PAQR5: variants seen among roughly 807,000 people sequenced by gnomAD.
The protein encoded by PAQR5 is membrane progestin receptor gamma.
PAQR5 carries 20 observed loss-of-function variants against 34.5 expected under a neutral mutation model. That is an observed-to-expected ratio of 0.58 (90% CI 0.41 to 0.84). The LOEUF (loss-of-function observed/expected upper bound fraction) is 0.84, where lower values mean the gene tolerates loss of function less well. PAQR5 is among the 40% of genes least tolerant of loss of function. PAQR5 has a pLI of 0.00. For synonymous variants in PAQR5, 131 were observed against 155.6 expected, an observed-to-expected ratio of 0.84 and a Z score of 1.18; for missense variants, 378 against 412.7, an observed-to-expected ratio of 0.92 and a Z score of 0.73.
chr15:69,390,348 A>ATTTTTTTTTTT (rs67519047), intron 6 of PAQR5, among the ~76,000 whole-genome samples: 2 of 124,828 alleles, frequency 1.6e-5, no homozygotes, highest in Non-Finnish European at 1.8e-5. Context: ...TTATTTATTT[A>ATTTTTTTTTTT]TTTATTTATT....
intron 6 of PAQR5, among the ~76,000 whole-genome samples, chr15:69,390,356 A>AT (rs144601337): frequency 0.011 from 1,522 of 132,678 alleles, 46 homozygotes; most frequent in Middle Eastern, 0.032. Flanking sequence ...TTATTTATTT[A>AT]TTTATTTTTT....
rs1248306932 is a variant in PAQR5 at position 69,404,752 on chromosome 15, G to C, written c.*930G>C. 5.1e-6 allele frequency: 2 copies of C among 394,198 alleles called. No homozygotes were observed. The highest frequency in any genetic ancestry group is 7.2e-5 in the East Asian group (2 of 27,812). 24.4% of individuals were successfully genotyped at this position (394,198 alleles called of 1,614,324 possible). ...ATATGCATAAGAAGTTAATCACCTT[G>C]CCAGTGGGGTGGTCACATATAGTGT... On this transcript the variant is annotated 3_prime_UTR_variant, in exon 9 of 9. Coordinates refer to ENST00000395407, the MANE Select transcript of PAQR5 (RefSeq NM_017705.4).
At chr15:69,304,693 C>A (rs2053676796) in intron 1 of PAQR5, among the ~76,000 whole-genome samples, 1 of 152,116 alleles carries the variant, frequency 6.6e-6, no homozygotes. Flanking sequence ...TGAGTTTTGC[C>A]CAAGCCTCAG....
At chr15:69,320,041 C>T (rs2054056950) in intron 1 of PAQR5, among the ~76,000 whole-genome samples, 1 of 152,256 alleles carries the variant, frequency 6.6e-6, no homozygotes, top group South Asian at 2.1e-4. Flanking sequence ...AGGATCTCGC[C>T]TTCCCCCGCA....
chr15:69,352,357 C>T (rs2054942777), intron 2 of PAQR5, among the ~76,000 whole-genome samples: 1 of 152,192 alleles, frequency 6.6e-6, no homozygotes, highest in Admixed American at 6.5e-5. Context: ...TCCACCAAGC[C>T]ATAAAGTTGG....
chr15:69,339,791 T>C (rs927601809), intron 2 of PAQR5, among the ~76,000 whole-genome samples: 2 of 151,686 alleles, frequency 1.3e-5, no homozygotes, highest in Non-Finnish European at 2.9e-5. Flanking sequence ...ATCTTTAGAA[T>C]GTACCAGAGC....
intron 1 of PAQR5, among the ~76,000 whole-genome samples, chr15:69,299,647 G>A (rs932729045): frequency 3.3e-5 from 5 of 152,202 alleles, no homozygotes; most frequent in African/African-American, 1.2e-4. Context: ...CCCCCAGCTG[G>A]GCATCTCCTG....
At chr15:69,372,244 G>A (rs766848607) in intron 3 of PAQR5, among the ~76,000 whole-genome samples, 21 of 152,030 alleles carry the variant, frequency 1.4e-4, no homozygotes, top group African/African-American at 2.9e-4. Flanking sequence ...TGTGCTGCAC[G>A]TAAAAAAAGC....
chr15:69,326,436 CTTTTTT>C (rs34210567), intron 1 of PAQR5, among the ~76,000 whole-genome samples: 1 of 131,728 alleles, frequency 7.6e-6, no homozygotes, highest in Non-Finnish European at 1.7e-5. Flanking sequence ...AGCTCTTTGT[CTTTTTT>C]TTTTTTTTTT....
chr15:69,361,603 C>G (rs1160243480), intron 3 of PAQR5, among the ~76,000 whole-genome samples: 1 of 152,166 alleles, frequency 6.6e-6, no homozygotes, highest in African/African-American at 2.4e-5. Flanking sequence ...GCACGTCTTA[C>G]ATGACAGTAG....
At chr15:69,387,522 G>T (rs2056145590) in intron 5 of PAQR5, among the ~76,000 whole-genome samples, 1 of 152,240 alleles carries the variant, frequency 6.6e-6, no homozygotes. Flanking sequence ...CCTGGCCTTA[G>T]TCGGCATCTG....
intron 8 of PAQR5, among the ~76,000 whole-genome samples, chr15:69,400,379 G>C (rs3784361): frequency 0.84 from 128,537 of 152,214 alleles, 56,214 homozygotes; most frequent in Non-Finnish European, 0.97. Context: ...TTGTCATCCA[G>C]AACATGGAAT....
At chr15:69,351,106 G>C (rs1157545017) in intron 2 of PAQR5, among the ~76,000 whole-genome samples, 3 of 152,198 alleles carry the variant, frequency 2.0e-5, no homozygotes, top group Non-Finnish European at 4.4e-5. Context: ...TCCCCACATT[G>C]CTTCCCTAAC....
rs2056071140 is a variant in PAQR5, at chr15:69,385,116, C to T, written c.385+234C>T. 1.3e-5 allele frequency among the ~76,000 whole-genome samples: 2 copies of T among 152,180 alleles called. No individual in the cohort carries two copies. The stretch of plus-strand genomic sequence containing the variant: ...ACAACAGCCCCGATCTGCAGTGTTG[C>T]CAGTTTCTGTGGTGTAAATCTTCCC... On this transcript the variant is annotated intron_variant, in intron 5 of 8. Coordinates refer to ENST00000395407, the MANE Select transcript of PAQR5 (RefSeq NM_017705.4). The surrounding 1 kb of genome is among the most constrained non-coding windows in gnomAD (Gnocchi z 4.7).
intron 8 of PAQR5, 105 bp from the exon 9 acceptor site, chr15:69,403,476 C>A: frequency 1.9e-6 from 2 of 1,025,910 alleles, no homozygotes; most frequent in Non-Finnish European, 2.9e-6. Context: ...GGTCTCCTGT[C>A]TGGTTTCTTT....
At chr15:69,352,950 G>A (rs2054961676) in intron 2 of PAQR5, among the ~76,000 whole-genome samples, 1 of 152,320 alleles carries the variant, frequency 6.6e-6, no homozygotes, top group African/African-American at 2.4e-5. Context: ...GAGTGACCTC[G>A]TCAGAGGAGG....
intron 2 of PAQR5, among the ~76,000 whole-genome samples, chr15:69,352,130 A>G (rs2054935216): frequency 6.6e-6 from 1 of 152,098 alleles, no homozygotes; most frequent in African/African-American, 2.4e-5. Context: ...TGCTATCTGG[A>G]GTCTTTGGCA....
chr15:69,405,521 T>G lies in PAQR5; in HGVS notation c.*1699T>G, dbSNP rs911641477. ...TAATTGCAAGCTGCATGACAAAATT[T>G]GTTTTTCTGGCAACAATCTGACATT... On this transcript the variant is annotated 3_prime_UTR_variant, in exon 9 of 9. Coordinates refer to ENST00000395407, the MANE Select transcript of PAQR5 (RefSeq NM_017705.4). The G allele has an allele frequency of 6.6e-6, 1 of 152,258 alleles. No individual in the cohort carries two copies. The highest frequency in any genetic ancestry group is 1.5e-5 in the Non-Finnish European group (1 of 68,060). 9.4% of individuals were successfully genotyped at this position (152,258 alleles called of 1,614,324 possible).
intron 3 of PAQR5, among the ~76,000 whole-genome samples, chr15:69,365,052 ATTT>A (rs1290715850): frequency 0.043 from 19 of 440 alleles, 1 homozygote; most frequent in Non-Finnish European, 0.28. Flanking sequence ...TATGAATTTT[ATTT>A]TATTTTATTT....
Sources: gnomAD v4.1 joint callset for allele counts (sites outside exome capture counted in the v4.1 genomes callset) on GRCh38, gnomAD v4.1.1 for gene constraint, Gnocchi (gnomAD v3.1) non-coding constraint, MANE v1.5 for transcripts, NCBI Gene and HGNC (gene_info 2026-07-23, HGNC 2026-07-21) for gene names.